The following AFAP1L2 variants were observed in gnomAD, a reference collection of about 807,000 sequenced individuals.
AFAP1L2 encodes the protein actin filament associated protein 1 like 2.
A neutral mutation model predicts 99.3 loss-of-function variants in AFAP1L2; 46 were observed. That is an observed-to-expected ratio of 0.46 (90% CI 0.37 to 0.59). The LOEUF (loss-of-function observed/expected upper bound fraction) is 0.59, where lower values mean the gene tolerates loss of function less well. Among genes scored for constraint, AFAP1L2 ranks in the 20% least tolerant of loss-of-function variants. AFAP1L2 has a pLI of 0.00. For missense variants in AFAP1L2, 959 were observed against 1,034.9 expected (o/e 0.93, Z 1.01); for synonymous variants, 397 against 419.1 (o/e 0.95, Z 0.64).
intron 2 of AFAP1L2, among the ~76,000 whole-genome samples, chr10:114,337,116 G>T (rs1231818669): frequency 6.6e-6 from 1 of 152,238 alleles, no homozygotes; most frequent in South Asian, 2.1e-4. Flanking sequence ...GGTGCGGTAT[G>T]TGTGTTTACG....
chr10:114,358,502 A>G (rs2051722906), intron 1 of AFAP1L2, among the ~76,000 whole-genome samples: 1 of 152,188 alleles, frequency 6.6e-6, no homozygotes, highest in Non-Finnish European at 1.5e-5. Flanking sequence ...TCTGAATTCA[A>G]ATCACTCTAA....
chr10:114,286,057 C>A, the AFAP1L2 span: 1 of 1,614,148 alleles, frequency 6.2e-7, no homozygotes, highest in South Asian at 1.1e-5. Flanking sequence ...TTGTGCGGGC[C>A]GTGCTGAGCG....
the AFAP1L2 span, chr10:114,282,412 C>T: frequency 1.2e-5 from 11 of 904,624 alleles, no homozygotes; most frequent in East Asian, 2.7e-4. Flanking sequence ...CTTACTTCTG[C>T]ATTGGAATCT....
chr10:114,287,856 C>T, the AFAP1L2 span, among the ~76,000 whole-genome samples: 51 of 152,182 alleles, frequency 3.4e-4, no homozygotes, highest in African/African-American at 1.2e-3. Flanking sequence ...TTAGTGAATC[C>T]ATGCTTATTT....
chr10:114,359,015 C>T (rs2051823004), intron 1 of AFAP1L2, among the ~76,000 whole-genome samples: 1 of 152,142 alleles, frequency 6.6e-6, no homozygotes, highest in Non-Finnish European at 1.5e-5. Context: ...GAATTATGGT[C>T]CATTTTGACC....
rs373577356 is a variant in AFAP1L2, at chr10:114,301,344, G to C, written c.1542+10C>G. 1.6e-5 allele frequency: 26 copies of C among 1,608,820 alleles called. No homozygotes were observed. Among genetic ancestry groups the C allele is most frequent in the Non-Finnish European group, 1.8e-5 (21 of 1,175,318 alleles). On this transcript the variant is annotated intron_variant, in intron 13 of 18. Coordinates refer to ENST00000304129, the MANE Select transcript of AFAP1L2 (RefSeq NM_001001936.3). ...GAGAGGCCCAGGCCACTGCCTGGCCGGGTCCTTACCGCAGCTGTGAGCTCT... is the reference window on the plus strand; with the variant it reads ...GAGAGGCCCAGGCCACTGCCTGGCCCGGTCCTTACCGCAGCTGTGAGCTCT...
rs559055522 is a variant in AFAP1L2, at chr10:114,371,848, G to A, written c.17-31117C>T. On this transcript the variant is annotated intron_variant, in intron 1 of 18. Transcript: ENST00000304129. ...AAAAATAAACAGCACAAGAGCAAAA[G>A]GAAGATTTTTTTGGGGGGGTGGCGG... Among the ~76,000 whole-genome samples the A allele has an allele frequency of 3.0e-4, 18 of 60,314 alleles. No individual in the cohort carries two copies. The South Asian group carries it at 5.3e-3, about 18-fold the overall frequency. 39.6% of individuals were successfully genotyped at this position (60,314 alleles called of 152,430 possible).
At chr10:114,314,189 C>T in intron 6 of AFAP1L2, 139 bp from the exon 7 acceptor site, 2 of 722,112 alleles carry the variant, frequency 2.8e-6, no homozygotes, top group Non-Finnish European at 4.4e-6. Flanking sequence ...GCTGGACACC[C>T]CGAAGCAGGC....
chr10:114,388,610 T>G (rs1196197786), intron 1 of AFAP1L2, among the ~76,000 whole-genome samples: 1 of 152,336 alleles, frequency 6.6e-6, no homozygotes, highest in East Asian at 1.9e-4. Context: ...GTCAGTACTG[T>G]GTCCAGCCTA....
At chr10:114,379,739 T>C (rs868843944) in intron 1 of AFAP1L2, among the ~76,000 whole-genome samples, 45 of 152,230 alleles carry the variant, frequency 3.0e-4, no homozygotes, top group Admixed American at 5.9e-4. Flanking sequence ...GGCAGTCATA[T>C]GATGCTGTAC....
chr10:114,287,015 A>G, the AFAP1L2 span, among the ~76,000 whole-genome samples: 1 of 152,150 alleles, frequency 6.6e-6, no homozygotes, highest in African/African-American at 2.4e-5. Context: ...GCTTCCTGAG[A>G]GGATACTTAC....
At chr10:114,374,148 G>T (rs2054499943) in intron 1 of AFAP1L2, among the ~76,000 whole-genome samples, 1 of 152,126 alleles carries the variant, frequency 6.6e-6, no homozygotes, top group Non-Finnish European at 1.5e-5. Flanking sequence ...GGGCTTGGGA[G>T]GATGTTTTGT....
intron 1 of AFAP1L2, among the ~76,000 whole-genome samples, chr10:114,364,456 A>C (rs917610011): frequency 2.1e-4 from 32 of 152,244 alleles, no homozygotes; most frequent in African/African-American, 7.5e-4. Context: ...GGTCATCCTC[A>C]ACATTCCCTG....
intron 8 of AFAP1L2, 79 bp downstream of exon 8, chr10:114,310,275 A>T (rs1344621651): frequency 7.2e-7 from 1 of 1,393,000 alleles, no homozygotes; most frequent in East Asian, 2.3e-5. Flanking sequence ...ATAAAAACGA[A>T]GCTCCCAATT....
chr10:114,379,771 C>T (rs1565042973), intron 1 of AFAP1L2, among the ~76,000 whole-genome samples: 1 of 152,294 alleles, frequency 6.6e-6, no homozygotes, highest in Non-Finnish European at 1.5e-5. Context: ...CCCCCAAACC[C>T]CAAGTGTTTG....
At chr10:114,288,992 T>C in the AFAP1L2 span, 2 of 1,614,150 alleles carry the variant, frequency 1.2e-6, no homozygotes, top group Non-Finnish European at 1.7e-6. Context: ...TCTGCCTCAG[T>C]AGGGCCCGAG....
rs1292676983 is a variant in AFAP1L2 at position 114,297,427 on chromosome 10, T to G, written c.2114-14A>C. Reference sequence around the variant, plus strand: ...GGACTTCCTTGTCTGGAGAGAGAATTATGCAGGTGTCAGAGAACAGCATCT... The same window carrying G: ...GGACTTCCTTGTCTGGAGAGAGAATGATGCAGGTGTCAGAGAACAGCATCT... On this transcript the variant is annotated splice_polypyrimidine_tract_variant and intron_variant, in intron 16 of 18. Transcript: ENST00000304129. The G allele has an allele frequency of 6.2e-7, 1 of 1,609,566 alleles. No homozygotes were observed. The highest frequency in any genetic ancestry group is 2.2e-5 in the East Asian group (1 of 44,772).
At chr10:114,286,227 C>T in the AFAP1L2 span, 6 of 1,613,116 alleles carry the variant, frequency 3.7e-6, no homozygotes, top group East Asian at 2.2e-5. Context: ...TTGCGGCAGG[C>T]GGCAGAGCGT....
At chr10:114,370,719 A>G (rs2053975300) in intron 1 of AFAP1L2, among the ~76,000 whole-genome samples, 1 of 152,176 alleles carries the variant, frequency 6.6e-6, no homozygotes, top group African/African-American at 2.4e-5. Context: ...ATTTGGTCTG[A>G]GACTTGTTCT....
Sources: allele counts gnomAD v4.1 joint callset (sites outside exome capture counted in the v4.1 genomes callset), GRCh38; gene constraint gnomAD v4.1.1; transcripts MANE v1.5; gene names NCBI Gene and HGNC (gene_info 2026-07-23, HGNC 2026-07-21).